Variants in CDH22 observed in about 807,000 individuals in gnomAD.
The protein encoded by CDH22 is cadherin 22, also known as cadherin-22.
CDH22 carries 30 observed loss-of-function variants against 58.4 expected under a neutral mutation model. The ratio of observed to expected loss-of-function variants is 0.51; its 90% CI spans 0.38 to 0.70. The LOEUF is 0.70. CDH22 is among the 30% of genes least tolerant of loss of function. CDH22 has a pLI of 0.00. For missense variants in CDH22, 1,014 were observed against 1,233.9 expected (o/e 0.82, Z 2.67); for synonymous variants, 513 against 558.2 (o/e 0.92, Z 1.14).
Position 46,308,307 on chromosome 20 carries a change from T to G in CDH22, c.-452A>C, listed in dbSNP as rs1476712022. 2 of 165,756 alleles carry G rather than the reference T, an allele frequency of 1.2e-5. No homozygotes were observed. Among genetic ancestry groups the G allele is most frequent in the African/African-American group, 4.8e-5 (2 of 41,464 alleles). The allele number at this position is 165,756 out of a possible 1,614,324, so 10.3% of individuals were successfully genotyped here. On this transcript the variant is annotated 5_prime_UTR_variant, in exon 1 of 12. Coordinates refer to ENST00000537909, the MANE Select transcript of CDH22 (RefSeq NM_021248.3). This position sits in a 1 kb window ranked among gnomAD's most constrained non-coding sequence, Gnocchi z 4.3. The stretch of plus-strand genomic sequence containing the variant: ...AGTCCTGCCGCCTCGGGACGCTGCG[T>G]GGGGCGGGAGCCCCGGCGCGGGCAG...
chr20:46,232,147 C>T (rs1357963058), intron 3 of CDH22, among the ~76,000 whole-genome samples: 4 of 152,166 alleles, frequency 2.6e-5, no homozygotes, highest in Non-Finnish European at 5.9e-5. Context: ...TGTCCTGGAT[C>T]CCAGGCCAGA....
intron 11 of CDH22, among the ~76,000 whole-genome samples, chr20:46,176,934 A>G (rs2085744592): frequency 3.3e-5 from 5 of 152,244 alleles, no homozygotes; most frequent in Admixed American, 2.0e-4. Flanking sequence ...TTTGTGGGCA[A>G]TTAGGCAGAA....
At chr20:46,215,564 A>T (rs1177576293) in intron 5 of CDH22, among the ~76,000 whole-genome samples, 1 of 152,232 alleles carries the variant, frequency 6.6e-6, no homozygotes. Flanking sequence ...GAAAGGGCAT[A>T]TTAGGGCTTC....
chr20:46,270,398 C>T (rs963886103), intron 1 of CDH22, among the ~76,000 whole-genome samples: 1 of 152,138 alleles, frequency 6.6e-6, no homozygotes, highest in African/African-American at 2.4e-5. Flanking sequence ...GACAGATAGG[C>T]AGCACTGAGC....
In CDH22 at chr20:46,210,615, C is replaced by A; in HGVS notation, c.1033-55G>T. ...GGGTGGGGTCTGGTGGACACTGAGG[C>A]CTTCACGAGGGAGGCCAAGGCAGGC... is the stretch of plus-strand genomic sequence containing the variant. On this transcript the variant is annotated intron_variant, in intron 6 of 11. Coordinates refer to ENST00000537909, the MANE Select transcript of CDH22 (RefSeq NM_021248.3). The surrounding 1 kb of genome is among the most constrained non-coding windows in gnomAD (Gnocchi z 4.5). 7.2e-7 allele frequency: 1 copy of A among 1,388,816 alleles called. No homozygotes were observed. The highest frequency in any genetic ancestry group is 9.4e-7 in the Non-Finnish European group (1 of 1,063,106). 86.0% of individuals were successfully genotyped at this position (1,388,816 alleles called of 1,614,324 possible).
At chr20:46,246,076 GA>G (rs1211354166) in intron 2 of CDH22, among the ~76,000 whole-genome samples, 12 of 152,182 alleles carry the variant, frequency 7.9e-5, no homozygotes, top group African/African-American at 2.9e-4. Flanking sequence ...CCAGGGGGCT[GA>G]AAAATGGGAT....
At chr20:46,183,011 C>T (rs886549801) in intron 10 of CDH22, among the ~76,000 whole-genome samples, 1 of 147,884 alleles carries the variant, frequency 6.8e-6, no homozygotes, top group Non-Finnish European at 1.5e-5. Context: ...AGCTCTGGTG[C>T]CCCCCCCTCT....
In CDH22 at chr20:46,178,064, G is replaced by A. The variant is rs1453633199; in HGVS notation, c.1797C>T (p.Ile599=). The change falls in exon 11 of 12, where the codon ATC becomes ATT. Residue 599 remains isoleucine, a synonymous_variant. Transcript: ENST00000537909. ...TGGTGCCGGAGCTGTCGCAGCCACA[G>A]ATGCGGATGGTGAGCGTGCCTGTGC... The part of the protein sequence containing the change: ...LSSTGTLTIR[I]CGCDSSGTIQ... 1.9e-6 allele frequency: 3 copies of A among 1,614,050 alleles called. No individual in the cohort carries two copies. The highest frequency in any genetic ancestry group is 2.5e-6 in the Non-Finnish European group (3 of 1,180,036).
intron 1 of CDH22, among the ~76,000 whole-genome samples, chr20:46,277,180 G>A (rs544939320): frequency 4.0e-5 from 6 of 151,358 alleles, no homozygotes; most frequent in Admixed American, 6.6e-5. Context: ...GGACAGCCCC[G>A]AGATTTAAGG....
chr20:46,236,113 C>T (rs1020604789), intron 3 of CDH22, among the ~76,000 whole-genome samples: 7 of 152,176 alleles, frequency 4.6e-5, no homozygotes, highest in Non-Finnish European at 7.3e-5. Flanking sequence ...CTGCCTGGAA[C>T]ATTCTTCTTG....
At chr20:46,291,760 A>G (rs955205248) in intron 1 of CDH22, among the ~76,000 whole-genome samples, 2 of 152,238 alleles carry the variant, frequency 1.3e-5, no homozygotes, top group African/African-American at 4.8e-5. Context: ...GCACAGCCCC[A>G]TGTGCCCACT....
At chr20:46,177,818 A>G in intron 11 of CDH22, 128 bp downstream of exon 11, 1 of 1,197,498 alleles carries the variant, frequency 8.4e-7, no homozygotes, top group Non-Finnish European at 1.2e-6. Context: ...GAGCTTGGAG[A>G]TGGTTTGGCC....
At chr20:46,249,801 G>T (rs772774270) in intron 2 of CDH22, among the ~76,000 whole-genome samples, 8 of 152,120 alleles carry the variant, frequency 5.3e-5, no homozygotes, top group Non-Finnish European at 1.2e-4. Context: ...TGCTGACAAG[G>T]CTCTGAGCAA....
intron 8 of CDH22, among the ~76,000 whole-genome samples, chr20:46,195,299 T>C (rs1289214279): frequency 6.6e-6 from 1 of 152,224 alleles, no homozygotes; most frequent in East Asian, 1.9e-4. Flanking sequence ...AGGTATAGAC[T>C]GGGCCCTGCC....
chr20:46,190,632 T>C (rs879506761), intron 8 of CDH22, among the ~76,000 whole-genome samples: 14 of 152,266 alleles, frequency 9.2e-5, no homozygotes, highest in Non-Finnish European at 1.9e-4. Flanking sequence ...ATATGTTGTG[T>C]CAGGCAAAAT....
chr20:46,186,697 C>A lies in CDH22; in HGVS notation c.1554G>T (p.Gln518His). The A allele has an allele frequency of 6.2e-7, 1 of 1,613,698 alleles. No homozygotes were observed. Among genetic ancestry groups the A allele is most frequent in the South Asian group, 1.1e-5 (1 of 91,014 alleles). Residue 518 changes from glutamine (Q) to histidine (H), a missense_variant, in exon 10 of 12, where the codon CAG (glutamine) becomes CAT (histidine). Physicochemically the swap from Gln to His is conservative, Grantham distance 24. Around this residue, in one of 2 missense-constraint regions of CDH22, gnomAD observed 806 missense variants for 1,038.7 expected, o/e 0.78. Coordinates refer to ENST00000537909, the MANE Select transcript of CDH22 (RefSeq NM_021248.3). ...CEDAKPGQLIQTISVVDRDEP... is the reference protein window; with the variant it reads ...CEDAKPGQLIHTISVVDRDEP... ...CGTCTCTGTCCACCACGCTGATGGT[C>A]TGGATGAGCTGAAGGGTGAGGAGGG...
chr20:46,238,989 C>A (rs2086272448), intron 3 of CDH22, among the ~76,000 whole-genome samples: 1 of 152,260 alleles, frequency 6.6e-6, no homozygotes, highest in South Asian at 2.1e-4. Flanking sequence ...TTCTTCTCAG[C>A]AGAATTCAAC....
At position 46,251,604 on chromosome 20, in the gene CDH22, G is replaced by T; in HGVS notation, c.-310C>A. The T allele has an allele frequency of 4.4e-6, 1 of 229,148 alleles. No homozygotes were observed. The highest frequency in any genetic ancestry group is 8.4e-6 in the Non-Finnish European group (1 of 119,618). 14.2% of individuals were successfully genotyped at this position (229,148 alleles called of 1,614,324 possible). On this transcript the variant is annotated 5_prime_UTR_variant, in exon 2 of 12. Coordinates refer to ENST00000537909, the MANE Select transcript of CDH22 (RefSeq NM_021248.3). The surrounding 1 kb of genome is among the most constrained non-coding windows in gnomAD (Gnocchi z 6.7). Reference sequence around the variant, plus strand: ...CAGCACCTGGACAGCTCCAGAGTCGGGGAAGCGCCATGGTTCCTGCGCAGA... The same window carrying T: ...CAGCACCTGGACAGCTCCAGAGTCGTGGAAGCGCCATGGTTCCTGCGCAGA...
rs1332806470 is a variant in CDH22 at position 46,228,293 on chromosome 20, T to C, written c.551-666A>G. Among the ~76,000 whole-genome samples the C allele has an allele frequency of 7.9e-5, 12 of 152,212 alleles. 1 individual carries two copies. The highest frequency in any genetic ancestry group is 7.9e-4 in the Admixed American group (12 of 15,280). ...TTGGAAAGTTGTTGGCTGCGGGCCC[T>C]GGTGCCCTCCTCGCCCCTCCCCCTG... On this transcript the variant is annotated intron_variant, in intron 3 of 11. Coordinates refer to ENST00000537909, the MANE Select transcript of CDH22 (RefSeq NM_021248.3).
Sources: gnomAD v4.1 joint callset for allele counts (sites outside exome capture counted in the v4.1 genomes callset) on GRCh38, gnomAD v4.1.1 for gene constraint, gnomAD v4.1.1 regional missense constraint, Gnocchi (gnomAD v3.1) non-coding constraint, MANE v1.5 for transcripts, NCBI Gene and HGNC (gene_info 2026-07-23, HGNC 2026-07-21) for gene names.